DLG2: variants seen among roughly 807,000 people sequenced by gnomAD.
DLG2 encodes disks large homolog 2.
DLG2 carries 45 observed loss-of-function variants against 132.5 expected under a neutral mutation model. The observed-to-expected ratio is 0.34, with a 90% CI of 0.27 to 0.44. The LOEUF is 0.44. DLG2 is among the 20% of genes least tolerant of loss of function. DLG2 has a pLI of 1.00. For synonymous variants in DLG2, 424 were observed against 419.6 expected (o/e 1.01, Z -0.13); for missense variants, 1,045 against 1,196.9 (o/e 0.87, Z 1.87).
At chr11:85,500,822 T>C (rs1318419841) in intron 3 of DLG2, among the ~76,000 whole-genome samples, 1 of 152,200 alleles carries the variant, frequency 6.6e-6, no homozygotes, top group Non-Finnish European at 1.5e-5. Flanking sequence ...AGAATCAATA[T>C]CGTGCAAATG....
At chr11:84,787,474 G>A (rs2073110030) in intron 6 of DLG2, among the ~76,000 whole-genome samples, 1 of 152,128 alleles carries the variant, frequency 6.6e-6, no homozygotes, top group South Asian at 2.1e-4. Flanking sequence ...CCACTACAAA[G>A]TTTTTCTGAA....
intron 6 of DLG2, among the ~76,000 whole-genome samples, chr11:84,563,344 T>A (rs564461329): frequency 6.6e-6 from 1 of 152,332 alleles, no homozygotes; most frequent in Admixed American, 6.5e-5. Flanking sequence ...TTTATGTTGT[T>A]TATGTTTACC....
intron 21 of DLG2, among the ~76,000 whole-genome samples, chr11:83,527,549 A>T (rs888820761): frequency 6.6e-6 from 1 of 150,692 alleles, no homozygotes. Flanking sequence ...TGTCTCTACA[A>T]TTTTTTTTTT....
chr11:84,285,439 AC>A (rs1203249837), intron 7 of DLG2, among the ~76,000 whole-genome samples: 2 of 152,198 alleles, frequency 1.3e-5, no homozygotes, highest in African/African-American at 4.8e-5. Context: ...AGGATATAAT[AC>A]ATCCCATTCT....
chr11:85,230,599 C>G lies in DLG2; in HGVS notation c.186+54621G>C, dbSNP rs906074001. Among the ~76,000 whole-genome samples, 4 of 151,572 alleles carry G rather than the reference C, an allele frequency of 2.6e-5. No homozygotes were observed. The East Asian group carries it at 5.8e-4, about 22-fold the overall frequency. On this transcript the variant is annotated intron_variant, in intron 4 of 27. Coordinates refer to ENST00000376104, the MANE Select transcript of DLG2 (RefSeq NM_001142699.3). ...AAGTCAGCAGCATTCTTCATAATTC[C>G]CAGTTTATTATAAGACTTAATCTGA...
chr11:85,332,734 T>C (rs116163872), intron 3 of DLG2, among the ~76,000 whole-genome samples: 2,275 of 152,292 alleles, frequency 0.015, 63 homozygotes, highest in African/African-American at 0.052. Context: ...ATTGTTATTA[T>C]TGTCGACCCT....
chr11:84,731,771 T>C (rs1353168978), intron 6 of DLG2, among the ~76,000 whole-genome samples: 1 of 152,062 alleles, frequency 6.6e-6, no homozygotes, highest in African/African-American at 2.4e-5. Flanking sequence ...AGCAGATTTA[T>C]TGGCGTAGAA....
At chr11:83,689,955 T>A (rs1281119405) in intron 18 of DLG2, among the ~76,000 whole-genome samples, 2 of 136,118 alleles carry the variant, frequency 1.5e-5, no homozygotes, top group African/African-American at 2.8e-5. Context: ...TTATATATAT[T>A]TATATAATAT....
At chr11:83,634,237 T>C (rs1186937018) in intron 18 of DLG2, among the ~76,000 whole-genome samples, 2 of 152,056 alleles carry the variant, frequency 1.3e-5, no homozygotes, top group Admixed American at 6.6e-5. Context: ...GATAAAAAAA[T>C]CAAAGAAATC....
intron 3 of DLG2, among the ~76,000 whole-genome samples, chr11:85,321,343 T>A (rs558579979): frequency 6.6e-6 from 1 of 152,164 alleles, no homozygotes; most frequent in Non-Finnish European, 1.5e-5. Context: ...TGTAAGGTAT[T>A]CCAAGGTGAA....
chr11:83,615,216 A>G (rs2060628709), intron 19 of DLG2, among the ~76,000 whole-genome samples: 1 of 152,216 alleles, frequency 6.6e-6, no homozygotes, highest in South Asian at 2.1e-4. Context: ...TACAGGTGAA[A>G]TGATGAAGGT....
chr11:83,710,706 G>T (rs948155349), intron 18 of DLG2, among the ~76,000 whole-genome samples: 32 of 152,276 alleles, frequency 2.1e-4, no homozygotes, highest in African/African-American at 7.5e-4. Flanking sequence ...AGTAGGACAT[G>T]AGAGACATTT....
chr11:85,315,870 CT>C (rs1393919649), intron 3 of DLG2, among the ~76,000 whole-genome samples: 1 of 151,844 alleles, frequency 6.6e-6, no homozygotes, highest in Non-Finnish European at 1.5e-5. Flanking sequence ...AGTTTCAGAT[CT>C]GGAAAAATAC....
chr11:85,303,155 A>T (rs570689491), intron 3 of DLG2, among the ~76,000 whole-genome samples: 54 of 152,180 alleles, frequency 3.5e-4, no homozygotes, highest in Non-Finnish European at 6.9e-4. Context: ...TTGTATTCCC[A>T]CCTGAATTTG....
chr11:84,957,406 T>C (rs1258456704), intron 6 of DLG2, among the ~76,000 whole-genome samples: 2 of 152,246 alleles, frequency 1.3e-5, no homozygotes, highest in African/African-American at 2.4e-5. Context: ...TATTTAAAGA[T>C]AAAGTAGGGT....
At chr11:84,915,103 T>C (rs1225137793) in intron 6 of DLG2, among the ~76,000 whole-genome samples, 1 of 152,192 alleles carries the variant, frequency 6.6e-6, no homozygotes, top group African/African-American at 2.4e-5. Context: ...CATCATCTTT[T>C]CATTTGCATA....
At chr11:84,726,361 G>A (rs1180556194) in intron 6 of DLG2, among the ~76,000 whole-genome samples, 4 of 152,012 alleles carry the variant, frequency 2.6e-5, no homozygotes, top group Admixed American at 6.5e-5. Flanking sequence ...GAGAACATGC[G>A]GTGCTTGGTT....
chr11:83,712,502 T>G (rs563644311), intron 18 of DLG2, among the ~76,000 whole-genome samples: 2 of 152,052 alleles, frequency 1.3e-5, no homozygotes, highest in Admixed American at 1.3e-4. Flanking sequence ...TGGTGTTGCA[T>G]GCCTGTAATC....
intron 3 of DLG2, among the ~76,000 whole-genome samples, chr11:85,302,291 C>T (rs2079634768): frequency 1.2e-5 from 1 of 84,664 alleles, no homozygotes; most frequent in African/African-American, 4.4e-5. Context: ...AATAATACTA[C>T]TACATAAAGA....
Sources: allele counts gnomAD v4.1 joint callset (sites outside exome capture counted in the v4.1 genomes callset), GRCh38; gene constraint gnomAD v4.1.1; transcripts MANE v1.5; gene names NCBI Gene and HGNC (gene_info 2026-07-23, HGNC 2026-07-21).